The following RPTOR variants were observed in gnomAD, a reference collection of about 807,000 sequenced individuals.
RPTOR encodes the protein regulatory associated protein of MTOR complex 1.
RPTOR carries 21 observed loss-of-function variants against 169.9 expected under a neutral mutation model. The observed-to-expected ratio is 0.12, with a 90% CI of 0.09 to 0.18. The LOEUF is 0.18. RPTOR is among the 10% of genes least tolerant of loss of function. RPTOR has a pLI of 1.00. For missense variants in RPTOR, 1,133 were observed against 1,855.9 expected (o/e 0.61, Z 7.16); for synonymous variants, 732 against 753.2 (o/e 0.97, Z 0.46).
At position 80,844,905 on chromosome 17, in the gene RPTOR, C is replaced by G. The variant is rs905978164; in HGVS notation, c.1213-1568C>G. Among the ~76,000 whole-genome samples, 1 of 152,172 alleles carries G rather than the reference C, an allele frequency of 6.6e-6. No individual in the cohort carries two copies. Among genetic ancestry groups the G allele is most frequent in the African/African-American group, 2.4e-5 (1 of 41,444 alleles). On this transcript the variant is annotated intron_variant, in intron 10 of 33. Coordinates refer to ENST00000306801, the MANE Select transcript of RPTOR (RefSeq NM_020761.3). The surrounding 1 kb of genome is among the most constrained non-coding windows in gnomAD (Gnocchi z 4.7). ...CACGCACCTCCACTGCGGCCACCCA[C>G]CTTCCCCCCGAGCAAAATCAAACAA...
At chr17:80,727,584 CAAG>C (rs2066350763) in intron 4 of RPTOR, among the ~76,000 whole-genome samples, 1 of 151,138 alleles carries the variant, frequency 6.6e-6, no homozygotes, top group Non-Finnish European at 1.5e-5. Flanking sequence ...TGTCATGCTC[CAAG>C]AACGTGGACG....
At chr17:80,634,357 CTG>C (rs762949748) in intron 2 of RPTOR, among the ~76,000 whole-genome samples, 5 of 58,784 alleles carry the variant, frequency 8.5e-5, no homozygotes, top group South Asian at 6.2e-4. Context: ...CATGTGCGTA[CTG>C]TGTGTGCATA....
Position 80,708,627 on chromosome 17 carries a change from C to G in RPTOR, c.507+628C>G, listed in dbSNP as rs541092814. Among the ~76,000 whole-genome samples, 1 of 133,654 alleles carries G rather than the reference C, an allele frequency of 7.5e-6. No individual in the cohort carries two copies. Among genetic ancestry groups the G allele is most frequent in the East Asian group, 2.1e-4 (1 of 4,802 alleles). The allele number at this position is 133,654 out of a possible 152,430, so 87.7% of individuals were successfully genotyped here. On this transcript the variant is annotated intron_variant, in intron 4 of 33. Transcript: ENST00000306801. The surrounding 1 kb of genome is among the most constrained non-coding windows in gnomAD (Gnocchi z 4.2). Reference sequence around the variant, plus strand: ...AGGGTGTGGTGGGTGCTGACTGTCTCCTCATCCTCCAGGGTGTGGTGGGTG... The same window carrying G: ...AGGGTGTGGTGGGTGCTGACTGTCTGCTCATCCTCCAGGGTGTGGTGGGTG...
At chr17:80,723,674 T>C (rs1334129531) in intron 4 of RPTOR, among the ~76,000 whole-genome samples, 1 of 151,324 alleles carries the variant, frequency 6.6e-6, no homozygotes, top group Non-Finnish European at 1.5e-5. Flanking sequence ...ACTGGAGCAT[T>C]AGTGTTACTA....
chr17:80,747,222 A>AAAAAC (rs201838296), intron 5 of RPTOR, among the ~76,000 whole-genome samples: 2 of 152,234 alleles, frequency 1.3e-5, no homozygotes, highest in Non-Finnish European at 2.9e-5. Context: ...TCTCAAAAAC[A>AAAAAC]AAAACAAAAC....
Position 80,890,872 on chromosome 17 carries a change from C to T in RPTOR, c.1984-848C>T, listed in dbSNP as rs148978566. ...CGAGAAGACCCTGGTCCCTGGTGGGCGCCCATCCAGAGCCTGCTCATCCAG... is the reference window on the plus strand; with the variant it reads ...CGAGAAGACCCTGGTCCCTGGTGGGTGCCCATCCAGAGCCTGCTCATCCAG... On this transcript the variant is annotated intron_variant, in intron 17 of 33. Coordinates refer to ENST00000306801, the MANE Select transcript of RPTOR (RefSeq NM_020761.3). Among the ~76,000 whole-genome samples the T allele has an allele frequency of 2.0e-3, 300 of 152,144 alleles. 4 individuals carry two copies. The highest frequency in any genetic ancestry group is 6.8e-3 in the African/African-American group (282 of 41,476).
rs142628410 is a variant in RPTOR at position 80,607,229 on chromosome 17, G to A, written c.163-18462G>A. ...GCTGGGATTATAGGCGTGAGCCACC[G>A]CGCCCAGCTTTCTTCAACCTGAAAA... is the stretch of plus-strand genomic sequence containing the variant. On this transcript the variant is annotated intron_variant, in intron 1 of 33. Coordinates refer to ENST00000306801, the MANE Select transcript of RPTOR (RefSeq NM_020761.3). 1.6e-4 allele frequency among the ~76,000 whole-genome samples: 25 copies of A among 152,246 alleles called. No homozygotes were observed. The East Asian group carries it at 2.7e-3, about 16-fold the overall frequency.
intron 4 of RPTOR, among the ~76,000 whole-genome samples, chr17:80,711,560 T>A (rs187837307): frequency 3.3e-5 from 5 of 152,232 alleles, no homozygotes; most frequent in African/African-American, 1.2e-4. Flanking sequence ...TTAGTAGGCA[T>A]TTTTTTACTT....
At chr17:80,944,919 A>G (rs2069080135) in intron 25 of RPTOR, among the ~76,000 whole-genome samples, 1 of 149,758 alleles carries the variant, frequency 6.7e-6, no homozygotes, top group South Asian at 2.1e-4. Flanking sequence ...TGAACCCAGG[A>G]GGCAGAGGTG....
At chr17:80,930,492 C>CCAGCTCATCCT (rs1567993978) in intron 24 of RPTOR, among the ~76,000 whole-genome samples, 2 of 151,108 alleles carry the variant, frequency 1.3e-5, no homozygotes, top group African/African-American at 4.9e-5. Context: ...CAGCTCATCC[C>CCAGCTCATCCT]CAGCTCATCC....
In RPTOR at chr17:80,562,784, A is replaced by G. The variant is rs114129377; in HGVS notation, c.162+16993A>G. ...GGCAACAGAGCAAGACTCTTGTCTC[A>G]AAACAAAAAACAAAAACAAAGTAGA... On this transcript the variant is annotated intron_variant, in intron 1 of 33. Transcript: ENST00000306801. This position sits in a 1 kb window ranked among gnomAD's most constrained non-coding sequence, Gnocchi z 4.4. 9.5e-3 allele frequency among the ~76,000 whole-genome samples: 1,452 copies of G among 152,314 alleles called. 31 individuals carry two copies. Among genetic ancestry groups the G allele is most frequent in the African/African-American group, 0.033 (1,355 of 41,564 alleles).
At chr17:80,852,669 A>C (rs2067806069) in intron 11 of RPTOR, among the ~76,000 whole-genome samples, 1 of 151,874 alleles carries the variant, frequency 6.6e-6, no homozygotes, top group African/African-American at 2.4e-5. Context: ...CTGCCCCTCC[A>C]GCCTGGCTAG....
chr17:80,549,823 C>G (rs2084323496), intron 1 of RPTOR, among the ~76,000 whole-genome samples: 1 of 152,196 alleles, frequency 6.6e-6, no homozygotes, highest in African/African-American at 2.4e-5. Flanking sequence ...ATGTAGCACC[C>G]CTGGCAGACA....
At chr17:80,896,664 C>T (rs988965191) in intron 20 of RPTOR, among the ~76,000 whole-genome samples, 1 of 152,216 alleles carries the variant, frequency 6.6e-6, no homozygotes, top group African/African-American at 2.4e-5. Flanking sequence ...CTGTCTTGGC[C>T]GCTCTTAGCC....
chr17:80,711,123 G>A (rs980224462), intron 4 of RPTOR, among the ~76,000 whole-genome samples: 2 of 152,274 alleles, frequency 1.3e-5, no homozygotes, highest in Admixed American at 1.3e-4. Context: ...ACATAAACTG[G>A]CTCACAATAC....
chr17:80,949,427 C>T lies in RPTOR; in HGVS notation c.3266-16C>T, dbSNP rs1198953080. 6.2e-7 allele frequency: 1 copy of T among 1,607,478 alleles called. No homozygotes were observed. Reference sequence around the variant, plus strand: ...CGAGGGGCCTGGTTCACATCCTTTCCTCTCTCCCTCCCCAGACGATGGTGC... The same window carrying T: ...CGAGGGGCCTGGTTCACATCCTTTCTTCTCTCCCTCCCCAGACGATGGTGC... On this transcript the variant is annotated splice_polypyrimidine_tract_variant and intron_variant, in intron 27 of 33. Coordinates refer to ENST00000306801, the MANE Select transcript of RPTOR (RefSeq NM_020761.3).
At position 80,707,999 on chromosome 17, in the gene RPTOR, G is replaced by A. The variant is rs1398876446; in HGVS notation, c.507G>A (p.Lys169=). The change falls in exon 4 of 34, where the codon AAG becomes AAA. Residue 169 remains lysine, a splice_region_variant and synonymous_variant. Transcript: ENST00000306801. The surrounding 1 kb of genome is among the most constrained non-coding windows in gnomAD (Gnocchi z 5.0). ...TVNGEVWVFN[K]NYTQYIPLSI... is the part of the protein sequence containing the mutation. ...ACGGGGAGGTCTGGGTCTTCAACAA[G>A]GTGGGTGTGCCTTCCAGCTTCCTTC... 6.2e-7 allele frequency: 1 copy of A among 1,611,284 alleles called. No individual in the cohort carries two copies. Among genetic ancestry groups the A allele is most frequent in the East Asian group, 2.2e-5 (1 of 44,872 alleles).
At chr17:80,896,614 G>A (rs890049540) in intron 20 of RPTOR, among the ~76,000 whole-genome samples, 3 of 151,012 alleles carry the variant, frequency 2.0e-5, no homozygotes, top group African/African-American at 7.3e-5. Flanking sequence ...AGCTGCGGGG[G>A]CAGCACCTTT....
chr17:80,670,358 A>G (rs2065812408), intron 3 of RPTOR, among the ~76,000 whole-genome samples: 1 of 152,010 alleles, frequency 6.6e-6, no homozygotes, highest in South Asian at 2.1e-4. Context: ...TCTAATTCTC[A>G]GTCTTTATAC....
Sources: gnomAD v4.1 joint callset for allele counts (sites outside exome capture counted in the v4.1 genomes callset) on GRCh38, gnomAD v4.1.1 for gene constraint, Gnocchi (gnomAD v3.1) non-coding constraint, MANE v1.5 for transcripts, NCBI Gene and HGNC (gene_info 2026-07-23, HGNC 2026-07-21) for gene names.